EFHD1: variants seen among roughly 807,000 people sequenced by gnomAD.
EFHD1 encodes EF-hand domain family member D1.
In EFHD1, 10 loss-of-function variants were observed where a neutral mutation model predicts 17.2. The observed-to-expected ratio is 0.58, with a 90% CI of 0.36 to 0.99. The LOEUF (loss-of-function observed/expected upper bound fraction) is 0.99, where lower values mean the gene tolerates loss of function less well. Among genes scored for constraint, EFHD1 ranks in the 50% least tolerant of loss-of-function variants. The pLI is 0.01. For missense variants in EFHD1, 310 were observed against 327.5 expected (o/e 0.95, Z 0.41); for synonymous variants, 153 against 142.0 (o/e 1.08, Z -0.55).
At chr2:232,669,024 G>C (rs968967253) in intron 2 of EFHD1, among the ~76,000 whole-genome samples, 1 of 152,192 alleles carries the variant, frequency 6.6e-6, no homozygotes, top group Non-Finnish European at 1.5e-5. Context: ...GTGGAGCAAG[G>C]AGGTGGGGCC....
chr2:232,628,448 G>T (rs1434389730), intron 1 of EFHD1, among the ~76,000 whole-genome samples: 1 of 152,172 alleles, frequency 6.6e-6, no homozygotes, highest in East Asian at 1.9e-4. Flanking sequence ...ACTTGTTCAA[G>T]AAAGAAGTTG....
chr2:232,645,976 G>C (rs1395518952), intron 1 of EFHD1, among the ~76,000 whole-genome samples: 1 of 152,110 alleles, frequency 6.6e-6, no homozygotes, highest in African/African-American at 2.4e-5. Context: ...ACCATCCCCT[G>C]CATAGCCAGG....
At chr2:232,679,647 G>A (rs771010865) in intron 3 of EFHD1, among the ~76,000 whole-genome samples, 1 of 150,686 alleles carries the variant, frequency 6.6e-6, no homozygotes, top group Non-Finnish European at 1.5e-5. Flanking sequence ...TCGGGAGTTC[G>A]AGGCTGCAGT....
chr2:232,612,059 C>T (rs918307911), intron 1 of EFHD1: 1 of 152,078 alleles, frequency 6.6e-6, no homozygotes, highest in Non-Finnish European at 1.5e-5. Flanking sequence ...GTTATGTTGC[C>T]CAGACTGATC....
intron 1 of EFHD1, among the ~76,000 whole-genome samples, chr2:232,641,194 A>G (rs1252537441): frequency 1.3e-5 from 2 of 152,016 alleles, no homozygotes; most frequent in African/African-American, 4.8e-5. Context: ...AGGCACGACC[A>G]CCATGCCCAG....
Position 232,682,468 on chromosome 2 carries a change from A to T in EFHD1, c.*749A>T, listed in dbSNP as rs1416303133. The T allele has an allele frequency of 6.6e-6, 1 of 151,744 alleles. No individual in the cohort carries two copies. Among genetic ancestry groups the T allele is most frequent in the African/African-American group, 2.4e-5 (1 of 40,910 alleles). The allele number at this position is 151,744 out of a possible 1,614,324, so 9.4% of individuals were successfully genotyped here. ...AAGAATAGTTAGGATACCAATGAGT[A>T]AAAGGGTTCCTGTTCACTCTGACTC... On this transcript the variant is annotated 3_prime_UTR_variant, in exon 4 of 4. Transcript: ENST00000264059.
intron 1 of EFHD1, among the ~76,000 whole-genome samples, chr2:232,618,360 T>C (rs1693963004): frequency 6.6e-6 from 1 of 152,170 alleles, no homozygotes; most frequent in Non-Finnish European, 1.5e-5. Flanking sequence ...TGAACAGACA[T>C]TATTCCAAAG....
chr2:232,633,585 G>A (rs545452127), upstream of EFHD1: 1,597 of 1,302,796 alleles, frequency 1.2e-3, 18 homozygotes, highest in African/African-American at 0.021. Flanking sequence ...CCCAACCGCC[G>A]GGTCCCCGCC....
At chr2:232,667,623 C>T (rs1305718390) in intron 2 of EFHD1, among the ~76,000 whole-genome samples, 1 of 151,818 alleles carries the variant, frequency 6.6e-6, no homozygotes, top group Non-Finnish European at 1.5e-5. Context: ...TGCAATCTCA[C>T]CTCACTGCAA....
chr2:232,622,243 G>A (rs527978543), intron 1 of EFHD1, among the ~76,000 whole-genome samples: 4 of 152,314 alleles, frequency 2.6e-5, no homozygotes, highest in Admixed American at 6.5e-5. Context: ...CGAGGCAGGC[G>A]GATCACCTGA....
intron 1 of EFHD1, among the ~76,000 whole-genome samples, chr2:232,652,549 C>G (rs566602044): frequency 6.6e-6 from 1 of 152,250 alleles, no homozygotes; most frequent in East Asian, 1.9e-4. Context: ...CTGCTGTGTT[C>G]AGTGAGGTAA....
chr2:232,658,617 T>G (rs938763518), intron 1 of EFHD1, among the ~76,000 whole-genome samples: 1 of 152,164 alleles, frequency 6.6e-6, no homozygotes, highest in Non-Finnish European at 1.5e-5. Flanking sequence ...CAACAAAATG[T>G]CCATCACCTG....
intron 1 of EFHD1, among the ~76,000 whole-genome samples, chr2:232,636,555 G>T (rs556729925): frequency 1.3e-5 from 2 of 152,290 alleles, no homozygotes; most frequent in East Asian, 3.9e-4. Flanking sequence ...GCTGGGTGTG[G>T]TGGCTCACAC....
chr2:232,674,059 C>T (rs577240536), intron 3 of EFHD1, among the ~76,000 whole-genome samples: 10 of 152,090 alleles, frequency 6.6e-5, no homozygotes, highest in Non-Finnish European at 1.3e-4. Context: ...CAGGCGCCCA[C>T]CACCACGCCC....
At chr2:232,634,072 G>A (rs1574709445) in intron 1 of EFHD1, 66 bp downstream of exon 1, 6 of 1,578,312 alleles carry the variant, frequency 3.8e-6, no homozygotes, top group Middle Eastern at 4.0e-4. Flanking sequence ...TTTCTGGTCC[G>A]AAGTCCCGGG....
chr2:232,625,093 G>C (rs1373758840), intron 1 of EFHD1, among the ~76,000 whole-genome samples: 2 of 152,100 alleles, frequency 1.3e-5, no homozygotes, highest in African/African-American at 4.8e-5. Flanking sequence ...CATAAAGGCA[G>C]GGATTTTGTA....
chr2:232,628,686 A>G (rs1694148862), upstream of EFHD1, among the ~76,000 whole-genome samples: 1 of 152,128 alleles, frequency 6.6e-6, no homozygotes, highest in Non-Finnish European at 1.5e-5. Context: ...TTGAGACTCA[A>G]ATCTCCATTC....
chr2:232,651,533 C>G (rs1694653934), intron 1 of EFHD1, among the ~76,000 whole-genome samples: 1 of 152,228 alleles, frequency 6.6e-6, no homozygotes, highest in Non-Finnish European at 1.5e-5. Context: ...TGTGTTTGGC[C>G]CTGGACCCTA....
At chr2:232,672,919 G>A (rs1205100808) in intron 3 of EFHD1, among the ~76,000 whole-genome samples, 2 of 152,092 alleles carry the variant, frequency 1.3e-5, no homozygotes, top group Non-Finnish European at 2.9e-5. Context: ...AGGCTGCTTG[G>A]AGACAGATTT....
Sources: allele counts gnomAD v4.1 joint callset (sites outside exome capture counted in the v4.1 genomes callset), GRCh38; gene constraint gnomAD v4.1.1; transcripts MANE v1.5; gene names NCBI Gene and HGNC (gene_info 2026-07-23, HGNC 2026-07-21).